Variants in TNC observed in about 807,000 individuals in gnomAD.
TNC encodes tenascin.
A neutral mutation model predicts 202.4 loss-of-function variants in TNC; 109 were observed. The observed-to-expected ratio is 0.54, with a 90% CI of 0.46 to 0.63. The LOEUF (loss-of-function observed/expected upper bound fraction) is 0.63, where lower values mean the gene tolerates loss of function less well. TNC is among the 30% of genes least tolerant of loss of function. The pLI is 0.00. For missense variants in TNC, 2,756 were observed against 2,833.3 expected (o/e 0.97, Z 0.62); for synonymous variants, 1,007 against 1,089.7 (o/e 0.92, Z 1.50).
chr9:115,033,597 G>C (rs2131738163), intron 22 of TNC, among the ~76,000 whole-genome samples: 1 of 152,292 alleles, frequency 6.6e-6, no homozygotes, highest in East Asian at 1.9e-4. Context: ...ATTTGCTTCA[G>C]CTCACACAGT....
At chr9:115,045,197 C>G (rs990988530) in intron 17 of TNC, among the ~76,000 whole-genome samples, 2 of 152,266 alleles carry the variant, frequency 1.3e-5, no homozygotes, top group South Asian at 4.1e-4. Flanking sequence ...GTGGTTCTGT[C>G]CCCTGGTTCC....
intron 6 of TNC, among the ~76,000 whole-genome samples, chr9:115,081,123 C>A (rs1235508587): frequency 1.3e-5 from 2 of 152,090 alleles, no homozygotes; most frequent in African/African-American, 4.8e-5. Context: ...ATAAAACTTA[C>A]CCTGGCTTAA....
At chr9:115,083,097 C>T (rs72760419) in intron 4 of TNC, among the ~76,000 whole-genome samples, 111 of 152,294 alleles carry the variant, frequency 7.3e-4, no homozygotes, top group Non-Finnish European at 1.4e-3. Context: ...GCTCTACTAT[C>T]AATGTGAACT....
At chr9:115,064,580 T>A in intron 11 of TNC, 67 bp downstream of exon 11, 1 of 1,521,170 alleles carries the variant, frequency 6.6e-7, no homozygotes, top group Non-Finnish European at 8.9e-7. Context: ...GCTAGTCGTG[T>A]CTGATTATTC....
intron 22 of TNC, among the ~76,000 whole-genome samples, chr9:115,032,495 G>T (rs1394776883): frequency 6.6e-6 from 1 of 152,118 alleles, no homozygotes; most frequent in African/African-American, 2.4e-5. Context: ...GGGACTTTGA[G>T]GTCAGTTAGG....
intron 9 of TNC, among the ~76,000 whole-genome samples, chr9:115,075,227 A>C (rs925911656): frequency 6.6e-6 from 1 of 152,126 alleles, no homozygotes; most frequent in Admixed American, 6.5e-5. Context: ...TGAGGAAAGA[A>C]TCAATGACCT....
chr9:115,021,304 A>T, intron 27 of TNC, 37 bp from the exon 28 acceptor site: 1 of 1,529,166 alleles, frequency 6.5e-7, no homozygotes, highest in Non-Finnish European at 9.0e-7. Context: ...AGAGAGAGAG[A>T]GAAGGCCTCC....
At position 115,048,432 on chromosome 9, in the gene TNC, T is replaced by C. The variant is rs2132176457; in HGVS notation, c.4680A>G (p.Leu1560=). 1.2e-6 allele frequency: 2 copies of C among 1,614,018 alleles called. No homozygotes were observed. The highest frequency in any genetic ancestry group is 2.2e-5 in the East Asian group (1 of 44,884). ...GCTTCCCAGAATCCACCACCGTTAC[T>C]AGAAAGCTGTCAAAGGCATTCTCCG... ...MASENAFDSF[L]VTVVDSGKLL... Residue 1560 remains leucine (L), a synonymous_variant, in exon 16 of 28, where the codon CTA becomes CTG. Coordinates refer to ENST00000350763, the MANE Select transcript of TNC (RefSeq NM_002160.4).
In TNC at chr9:115,030,221, C is replaced by T. The variant is rs745801826; in HGVS notation, c.6072+33G>A. 5.1e-6 allele frequency: 8 copies of T among 1,580,690 alleles called. No individual in the cohort carries two copies. In the South Asian group the frequency reaches 9.1e-5, roughly 18 times the overall value. On this transcript the variant is annotated intron_variant, in intron 24 of 27. Transcript: ENST00000350763. ...TTTGCCCTCTCCCTCTTCCCCTAGG[C>T]CTGAGGGCTCTGCAGTCCCTGGTGG... is the stretch of plus-strand genomic sequence containing the variant.
chr9:115,090,497 G>T, intron 2 of TNC, 65 bp downstream of exon 2: 1 of 1,320,560 alleles, frequency 7.6e-7, no homozygotes. Flanking sequence ...AGTGATGGAT[G>T]CTGCTATGCT....
Position 115,020,557 on chromosome 9 carries a change from TAA to T in TNC, c.*598_*599del, listed in dbSNP as rs34490502. On this transcript the variant is annotated 3_prime_UTR_variant, in exon 28 of 28. Coordinates refer to ENST00000350763, the MANE Select transcript of TNC (RefSeq NM_002160.4). ...ACTCAAAAGTACTTGTGCTTTTATT[TAA>T]AAAAAAAATACAATCAGGTACTGTC... The T allele has an allele frequency of 1.3e-5, 3 of 234,058 alleles. No individual in the cohort carries two copies. Among genetic ancestry groups the T allele is most frequent in the South Asian group, 4.9e-5 (1 of 20,560 alleles). The allele number at this position is 234,058 out of a possible 1,614,324, so 14.5% of individuals were successfully genotyped here.
chr9:115,036,509 C>A (rs1830345777), intron 20 of TNC, among the ~76,000 whole-genome samples: 1 of 152,126 alleles, frequency 6.6e-6, no homozygotes, highest in Non-Finnish European at 1.5e-5. Context: ...ATTTTTTTCC[C>A]ACATGGTACT....
chr9:115,053,522 C>A (rs1244022571), intron 15 of TNC, among the ~76,000 whole-genome samples: 4 of 152,150 alleles, frequency 2.6e-5, no homozygotes, highest in Non-Finnish European at 5.9e-5. Context: ...TGTCAGTAAA[C>A]CTGTTTAATT....
chr9:115,090,876 A>G lies in TNC; in HGVS notation c.143T>C (p.Val48Ala), dbSNP rs1457338880. ...GATGTTGTAAACGTGGTTAAACACC[A>G]CTGGCTGGTTCTCTTCTGGCAGGGT... ...NATLPEENQP[V>A]VFNHVYNIKL... The change falls in exon 2 of 28, where the codon GTG becomes GCG. Residue 48 changes from valine to alanine, a missense_variant. By Grantham distance (64) the Val-to-Ala change is moderately conservative. Coordinates refer to ENST00000350763, the MANE Select transcript of TNC (RefSeq NM_002160.4). 3.1e-6 allele frequency: 5 copies of G among 1,614,060 alleles called. No homozygotes were observed. In the East Asian group the frequency reaches 6.7e-5, roughly 22 times the overall value.
Position 115,057,164 on chromosome 9 carries a change from G to A in TNC, c.4568C>T (p.Thr1523Ile), listed in dbSNP as rs1408668180. 3.1e-6 allele frequency: 5 copies of A among 1,612,808 alleles called. No individual in the cohort carries two copies. The highest frequency in any genetic ancestry group is 3.4e-6 in the Non-Finnish European group (4 of 1,179,194). ...GAATGCACATGTACCTGTCGTGGCT[G>A]TGGCACTGATGGTTTTGGTCCGGAT... ...PSIRTKTISA[T>I]ATTEALPLLE... The change falls in exon 15 of 28, where the codon ACA becomes ATA. Residue 1523 changes from threonine (T) to isoleucine (I), a missense_variant. Coordinates refer to ENST00000350763, the MANE Select transcript of TNC (RefSeq NM_002160.4).
chr9:115,072,710 C>G (rs72758653), intron 10 of TNC, among the ~76,000 whole-genome samples: 1 of 152,198 alleles, frequency 6.6e-6, no homozygotes, highest in East Asian at 1.9e-4. Flanking sequence ...TTGGGAACTA[C>G]TTTTCCTCAA....
At chr9:115,047,195 C>T (rs1207556466) in intron 16 of TNC, among the ~76,000 whole-genome samples, 2 of 140,778 alleles carry the variant, frequency 1.4e-5, no homozygotes, top group Non-Finnish European at 1.5e-5. Flanking sequence ...GGTCTTTTTG[C>T]TTTGTTCTTA....
In TNC at chr9:115,046,518, G is replaced by T. The variant is rs1022827191; in HGVS notation, c.5017C>A (p.Arg1673Ser). ...PLEITLLAPE[R>S]TRDITGLREA... ...CTGAGACCTGTTATGTCCCTGGTAC[G>T]TTCGGGGGCAAGTAGGGTTATTTCC... Residue 1673 changes from arginine to serine, a missense_variant, in exon 17 of 28, where the codon CGT becomes AGT. Arg to Ser is a moderately radical substitution (Grantham distance 110, BLOSUM62 -1). Around this residue, in one of 2 missense-constraint regions of TNC, gnomAD observed 2,559 missense variants for 2,546.0 expected, o/e 1.01. Transcript: ENST00000350763. The T allele has an allele frequency of 6.2e-7, 1 of 1,614,106 alleles. No homozygotes were observed. The highest frequency in any genetic ancestry group is 8.5e-7 in the Non-Finnish European group (1 of 1,179,996).
In TNC at chr9:115,086,687, A is replaced by T. The variant is rs142813059; in HGVS notation, c.1044T>A (p.His348Gln). ...GEDCGKPTCP[H>Q]ACHTQGRCEE... ...CACACCGGCCCTGGGTGTGGCAGGC[A>T]TGTGGGCAGGTGGGTTTCCCGCAGT... The change falls in exon 3 of 28, where the codon CAT (histidine) becomes CAA (glutamine). Residue 348 changes from histidine to glutamine, a missense_variant. His to Gln is a conservative substitution (Grantham distance 24). Around this residue, in one of 2 missense-constraint regions of TNC, gnomAD observed 2,559 missense variants for 2,546.0 expected, o/e 1.01. Coordinates refer to ENST00000350763, the MANE Select transcript of TNC (RefSeq NM_002160.4). 6 of 1,613,976 alleles carry T rather than the reference A, an allele frequency of 3.7e-6. No homozygotes were observed. In the African/African-American group the frequency reaches 6.7e-5, roughly 18 times the overall value.
Sources: gnomAD v4.1 joint callset for allele counts (sites outside exome capture counted in the v4.1 genomes callset) on GRCh38, gnomAD v4.1.1 for gene constraint, gnomAD v4.1.1 regional missense constraint, MANE v1.5 for transcripts, NCBI Gene and HGNC (gene_info 2026-07-23, HGNC 2026-07-21) for gene names.